The following SMYD3 variants were observed in gnomAD, a reference collection of about 807,000 sequenced individuals.
SMYD3 encodes histone-lysine N-methyltransferase SMYD3.
Under a neutral mutation model 57.7 loss-of-function variants are expected in SMYD3, and 36 were observed. The observed-to-expected ratio is 0.62, with a 90% CI of 0.48 to 0.82. The LOEUF (loss-of-function observed/expected upper bound fraction) is 0.82, where lower values mean the gene tolerates loss of function less well. Ranked by LOEUF, SMYD3 falls within the 40% of genes least tolerant of loss-of-function variation. The pLI, the probability that SMYD3 is intolerant of heterozygous loss-of-function variation, is 0.00. For synonymous variants in SMYD3, 211 were observed against 195.0 expected, an observed-to-expected ratio of 1.08 and a Z score of -0.68; for missense variants, 515 against 538.8, an observed-to-expected ratio of 0.96 and a Z score of 0.44.
intron 5 of SMYD3, among the ~76,000 whole-genome samples, chr1:246,291,998 T>C (rs1054359376): frequency 6.6e-6 from 1 of 151,934 alleles, no homozygotes; most frequent in Non-Finnish European, 1.5e-5. Context: ...ACCAGCATCT[T>C]AGACTTACTA....
At chr1:245,948,103 C>A (rs1558523867) in intron 5 of SMYD3, among the ~76,000 whole-genome samples, 1 of 152,150 alleles carries the variant, frequency 6.6e-6, no homozygotes, top group African/African-American at 2.4e-5. Context: ...TCATCCTTCA[C>A]CACCCTCGGG....
intron 8 of SMYD3, among the ~76,000 whole-genome samples, chr1:245,877,896 C>A (rs76533122): frequency 6.6e-6 from 1 of 152,230 alleles, no homozygotes; most frequent in African/African-American, 2.4e-5. Flanking sequence ...GTCAACGCCA[C>A]GCAGGTGGAA....
intron 7 of SMYD3, among the ~76,000 whole-genome samples, chr1:245,916,480 C>T (rs1236358810): frequency 3.9e-5 from 6 of 152,150 alleles, no homozygotes; most frequent in Admixed American, 6.5e-5. Context: ...TGTTCCATCT[C>T]GGCTAGAGCA....
chr1:246,022,619 G>A (rs186127252), intron 5 of SMYD3, among the ~76,000 whole-genome samples: 1 of 152,214 alleles, frequency 6.6e-6, no homozygotes, highest in Admixed American at 6.5e-5. Context: ...AAAAAGATAG[G>A]GCTGTATCTA....
intron 8 of SMYD3, among the ~76,000 whole-genome samples, chr1:245,874,461 C>T (rs1558446329): frequency 6.6e-6 from 1 of 152,150 alleles, no homozygotes. Context: ...TTTTAGGAGG[C>T]AATCTTACGG....
chr1:245,820,561 G>C (rs1473650608), intron 10 of SMYD3, among the ~76,000 whole-genome samples: 4 of 151,970 alleles, frequency 2.6e-5, no homozygotes, highest in Middle Eastern at 3.4e-3. Flanking sequence ...TTAGGCAGGA[G>C]AAGGAAATAA....
At chr1:246,154,621 A>G (rs1233811161) in intron 5 of SMYD3, among the ~76,000 whole-genome samples, 1 of 152,188 alleles carries the variant, frequency 6.6e-6, no homozygotes, top group Admixed American at 6.5e-5. Flanking sequence ...TGAACTATGA[A>G]AGCCCACAAA....
intron 5 of SMYD3, among the ~76,000 whole-genome samples, chr1:246,256,182 G>A (rs758045654): frequency 2.6e-5 from 4 of 152,118 alleles, no homozygotes; most frequent in Non-Finnish European, 4.4e-5. Context: ...TCCAGCATGG[G>A]AGAAAGATGT....
At chr1:246,122,391 C>T (rs2061437853) in intron 5 of SMYD3, among the ~76,000 whole-genome samples, 1 of 152,178 alleles carries the variant, frequency 6.6e-6, no homozygotes, top group African/African-American at 2.4e-5. Context: ...TGCACTCCAG[C>T]CTAAGCAACA....
chr1:245,963,843 A>T (rs2058071951), intron 5 of SMYD3, among the ~76,000 whole-genome samples: 1 of 152,114 alleles, frequency 6.6e-6, no homozygotes, highest in Non-Finnish European at 1.5e-5. Flanking sequence ...AAACAAACAA[A>T]CAAACTGAGA....
At chr1:246,229,665 A>C (rs1473867802) in intron 5 of SMYD3, among the ~76,000 whole-genome samples, 1 of 152,134 alleles carries the variant, frequency 6.6e-6, no homozygotes, top group Non-Finnish European at 1.5e-5. Flanking sequence ...TCATCTCGTG[A>C]CAGAAGGCAA....
At chr1:246,496,215 T>C (rs1046440728) in intron 1 of SMYD3, among the ~76,000 whole-genome samples, 5 of 151,832 alleles carry the variant, frequency 3.3e-5, no homozygotes, top group Non-Finnish European at 7.4e-5. Context: ...TTTGTATTTT[T>C]AGTAGAGATG....
intron 8 of SMYD3, among the ~76,000 whole-genome samples, chr1:245,872,119 C>G (rs1290831067): frequency 6.6e-6 from 1 of 151,966 alleles, no homozygotes; most frequent in African/African-American, 2.4e-5. Flanking sequence ...TGCTCTACTG[C>G]CTGGCGGCAA....
At chr1:245,980,788 G>C (rs190219436) in intron 5 of SMYD3, among the ~76,000 whole-genome samples, 1 of 152,214 alleles carries the variant, frequency 6.6e-6, no homozygotes, top group Non-Finnish European at 1.5e-5. Flanking sequence ...CCCTACTCCA[G>C]ACTGTATGAT....
intron 1 of SMYD3, among the ~76,000 whole-genome samples, chr1:246,458,112 T>C (rs1214019761): frequency 2.6e-5 from 4 of 152,194 alleles, no homozygotes; most frequent in Non-Finnish European, 5.9e-5. Context: ...GGACTCCATG[T>C]TGTGCCTAAT....
At chr1:246,099,096 T>C (rs1345050871) in intron 5 of SMYD3, among the ~76,000 whole-genome samples, 2 of 152,188 alleles carry the variant, frequency 1.3e-5, no homozygotes, top group Non-Finnish European at 2.9e-5. Context: ...TTTAATCTCT[T>C]TGGTTGTATC....
chr1:245,973,429 G>A (rs1327560604), intron 5 of SMYD3, among the ~76,000 whole-genome samples: 1 of 152,104 alleles, frequency 6.6e-6, no homozygotes, highest in Non-Finnish European at 1.5e-5. Context: ...AACCAACGAG[G>A]TACCAGGTAT....
chr1:246,375,856 A>G (rs2066267562), intron 1 of SMYD3, among the ~76,000 whole-genome samples: 1 of 151,966 alleles, frequency 6.6e-6, no homozygotes, highest in Admixed American at 6.6e-5. Flanking sequence ...CAGCCTCCCA[A>G]GTAGCTGGGA....
At chr1:246,081,474 C>T (rs1380875414) in intron 5 of SMYD3, among the ~76,000 whole-genome samples, 1 of 152,158 alleles carries the variant, frequency 6.6e-6, no homozygotes, top group Non-Finnish European at 1.5e-5. Context: ...CTCACCACAA[C>T]CCCTGCCTCC....
Sources: allele counts gnomAD v4.1 joint callset (sites outside exome capture counted in the v4.1 genomes callset), GRCh38; gene constraint gnomAD v4.1.1; transcripts MANE v1.5; gene names NCBI Gene and HGNC (gene_info 2026-07-23, HGNC 2026-07-21).